Variants in ANKRD22 observed in about 807,000 individuals in gnomAD.
The protein encoded by ANKRD22 is ankyrin repeat domain 22.
Under a neutral mutation model 25.7 loss-of-function variants are expected in ANKRD22, and 24 were observed. The observed-to-expected ratio is 0.93, with a 90% CI of 0.68 to 1.31. The LOEUF (loss-of-function observed/expected upper bound fraction) is 1.31, where lower values mean the gene tolerates loss of function less well. Among genes scored for constraint, ANKRD22 ranks in the 50% most tolerant of loss-of-function variants. The probability of loss-of-function intolerance (pLI) is 0.00; values close to 1 mark genes in which losing one functional copy is unlikely to be tolerated. For synonymous variants in ANKRD22, 84 were observed against 84.3 expected (o/e 1.00, Z 0.02); for missense variants, 214 against 227.1 (o/e 0.94, Z 0.37).
chr10:88,851,521 T>C, intron 1 of ANKRD22, 66 bp downstream of exon 1: 1 of 1,564,762 alleles, frequency 6.4e-7, no homozygotes, highest in African/African-American at 1.4e-5. Context: ...GGATAGAAAA[T>C]TGCATCTGAA....
In ANKRD22 at chr10:88,821,156, C is replaced by G. The variant is rs1043777532; in HGVS notation, c.*1785G>C. On this transcript the variant is annotated 3_prime_UTR_variant, in exon 6 of 6. Transcript: ENST00000371930. The stretch of plus-strand genomic sequence containing the variant: ...TGCATTTCAGTGTCTAGATTCTAGT[C>G]CAAGCTTGTTGGAAGGTTTACAGCT... Among the ~76,000 whole-genome samples the G allele has an allele frequency of 1.3e-5, 2 of 152,142 alleles. No individual in the cohort carries two copies. Among genetic ancestry groups the G allele is most frequent in the Non-Finnish European group, 2.9e-5 (2 of 68,024 alleles).
At chr10:88,830,972 C>A (rs1478769884) in intron 2 of ANKRD22, among the ~76,000 whole-genome samples, 1 of 152,114 alleles carries the variant, frequency 6.6e-6, no homozygotes, top group Non-Finnish European at 1.5e-5. Flanking sequence ...AAATAGTAAG[C>A]ATAAATAAAA....
Position 88,820,418 on chromosome 10 carries a change from C to T in ANKRD22, c.*2523G>A, listed in dbSNP as rs1232237435. ...TTTCATCTGGGGTTTGGATGCTCCT[C>T]ACCGTATGTACAATGAAATCATCCA... On this transcript the variant is annotated 3_prime_UTR_variant, in exon 6 of 6. Transcript: ENST00000371930. 1 of 1,552,120 alleles carries T rather than the reference C, an allele frequency of 6.4e-7. No homozygotes were observed. Among genetic ancestry groups the T allele is most frequent in the Non-Finnish European group, 8.7e-7 (1 of 1,147,040 alleles).
At chr10:88,823,419 C>A (rs1386860226) in intron 4 of ANKRD22, 41 bp from the exon 5 acceptor site, 1 of 1,455,816 alleles carries the variant, frequency 6.9e-7, no homozygotes, top group South Asian at 1.1e-5. Flanking sequence ...ATAAGTCGGG[C>A]CCTCCACAGA....
intron 1 of ANKRD22, among the ~76,000 whole-genome samples, chr10:88,846,206 C>G (rs562154799): frequency 6.6e-6 from 1 of 151,892 alleles, no homozygotes; most frequent in Non-Finnish European, 1.5e-5. Flanking sequence ...ATAATACTTA[C>G]TGAACATAGT....
chr10:88,828,131 C>A (rs1352147597), intron 3 of ANKRD22, among the ~76,000 whole-genome samples: 2 of 152,106 alleles, frequency 1.3e-5, no homozygotes, highest in Non-Finnish European at 2.9e-5. Context: ...CTTCTGGATG[C>A]AAACTTTTAG....
At chr10:88,831,066 G>C (rs553874767) in intron 2 of ANKRD22, among the ~76,000 whole-genome samples, 2 of 152,176 alleles carry the variant, frequency 1.3e-5, no homozygotes, top group South Asian at 4.1e-4. Flanking sequence ...GGGCAAGGGG[G>C]GATTTCCAGT....
intron 1 of ANKRD22, among the ~76,000 whole-genome samples, chr10:88,849,847 T>G (rs1156793018): frequency 6.6e-6 from 1 of 152,136 alleles, no homozygotes. Context: ...TATCCTCTAG[T>G]GCAGATTTCA....
intron 1 of ANKRD22, among the ~76,000 whole-genome samples, chr10:88,835,319 C>T (rs1843943625): frequency 6.6e-6 from 1 of 152,144 alleles, no homozygotes; most frequent in Admixed American, 6.5e-5. Flanking sequence ...CACAGAGTTA[C>T]CAGGAAGCTA....
rs370940208 is a variant in ANKRD22 at position 88,820,267 on chromosome 10, G to A, written c.*2674C>T. The A allele has an allele frequency of 3.6e-4, 562 of 1,551,544 alleles. No individual in the cohort carries two copies. The highest frequency in any genetic ancestry group is 4.7e-4 in the Admixed American group (24 of 50,984). On this transcript the variant is annotated 3_prime_UTR_variant, in exon 6 of 6. Coordinates refer to ENST00000371930, the MANE Select transcript of ANKRD22 (RefSeq NM_144590.3). Reference sequence around the variant, plus strand: ...TAAGGTACAGAGTCAGAGATATGACGGTCCCTACAGCAATGTGGACAGGAG... The same window carrying A: ...TAAGGTACAGAGTCAGAGATATGACAGTCCCTACAGCAATGTGGACAGGAG...
In ANKRD22 at chr10:88,822,081, A is replaced by G. The variant is rs368876811; in HGVS notation, c.*860T>C. On this transcript the variant is annotated 3_prime_UTR_variant, in exon 6 of 6. Coordinates refer to ENST00000371930, the MANE Select transcript of ANKRD22 (RefSeq NM_144590.3). ...ATCATGAAGATTTTTTTAAACGAAC[A>G]TTTTCATAGTTGCATAGTCTTGCTC... The G allele has an allele frequency of 6.6e-5, 10 of 152,312 alleles. No homozygotes were observed. In the South Asian group the frequency reaches 2.1e-3, roughly 32 times the overall value. 9.4% of individuals were successfully genotyped at this position (152,312 alleles called of 1,614,324 possible).
intron 1 of ANKRD22, among the ~76,000 whole-genome samples, chr10:88,846,956 A>G (rs1031100680): frequency 2.6e-5 from 4 of 152,208 alleles, no homozygotes; most frequent in African/African-American, 9.6e-5. Flanking sequence ...CAAATATTTG[A>G]AAATTTAATG....
In ANKRD22 at chr10:88,851,460, C is replaced by T. The variant is rs1468192801; in HGVS notation, c.21+127G>A. On this transcript the variant is annotated intron_variant, in intron 1 of 5. Transcript: ENST00000371930. Reference sequence around the variant, plus strand: ...ACACATAGGACTTTATTTTTTCTGACTTAATGCTCCCCCAGGGAGTTGAAC... The same window carrying T: ...ACACATAGGACTTTATTTTTTCTGATTTAATGCTCCCCCAGGGAGTTGAAC... 7 of 973,620 alleles carry T rather than the reference C, an allele frequency of 7.2e-6. No homozygotes were observed. In the Admixed American group the frequency reaches 1.4e-4, roughly 19 times the overall value. 60.3% of individuals were successfully genotyped at this position (973,620 alleles called of 1,614,324 possible).
intron 1 of ANKRD22, among the ~76,000 whole-genome samples, chr10:88,848,174 GTATATATA>G (rs570718689): frequency 7.3e-6 from 1 of 137,336 alleles, no homozygotes; most frequent in African/African-American, 2.6e-5. Context: ...GTATATATGT[GTATATATA>G]TATGTATATA....
chr10:88,831,964 G>C lies in ANKRD22; in HGVS notation c.84C>G (p.Asp28Glu). The change falls in exon 2 of 6, where the codon GAC becomes GAG. Residue 28 changes from aspartate (D) to glutamate (E), a missense_variant. Physicochemically the swap from Asp to Glu is conservative, Grantham distance 45. Transcript: ENST00000371930. Reference protein sequence around the residue: ...FGQVWRWVKEDSSYANVQDGF... With the variant: ...FGQVWRWVKEESSYANVQDGF... The stretch of plus-strand genomic sequence containing the variant: ...CATCTTGAACGTTGGCATAGCTGCT[G>C]TCTTCTTTCACCCACCGCCACACTT... 6.2e-7 allele frequency: 1 copy of C among 1,613,858 alleles called. No homozygotes were observed. The highest frequency in any genetic ancestry group is 8.5e-7 in the Non-Finnish European group (1 of 1,179,904).
At position 88,820,574 on chromosome 10, in the gene ANKRD22, G is replaced by A. The variant is rs1278038949; in HGVS notation, c.*2367C>T. ...TAGGACCCATGAAGGCAGAATTACG[G>A]AGAGCAGAGACCTAGTATACATTTT... On this transcript the variant is annotated 3_prime_UTR_variant, in exon 6 of 6. Transcript: ENST00000371930. The A allele has an allele frequency of 2.2e-6, 3 of 1,380,942 alleles. No homozygotes were observed. The highest frequency in any genetic ancestry group is 2.9e-6 in the Non-Finnish European group (3 of 1,030,494). The allele number at this position is 1,380,942 out of a possible 1,614,324, so 85.5% of individuals were successfully genotyped here. A position where few individuals can be genotyped will look rare whatever the true frequency, so the allele number is the denominator to read the frequency against.
At chr10:88,849,847 T>C (rs1156793018) in intron 1 of ANKRD22, among the ~76,000 whole-genome samples, 1 of 152,136 alleles carries the variant, frequency 6.6e-6, no homozygotes. Context: ...TATCCTCTAG[T>C]GCAGATTTCA....
At chr10:88,838,147 T>C (rs940616165) in intron 1 of ANKRD22, among the ~76,000 whole-genome samples, 2 of 152,150 alleles carry the variant, frequency 1.3e-5, no homozygotes, top group African/African-American at 4.8e-5. Flanking sequence ...ACTGTCTACA[T>C]GAAATGAATA....
At chr10:88,835,349 G>A (rs965537047) in intron 1 of ANKRD22, among the ~76,000 whole-genome samples, 8 of 152,124 alleles carry the variant, frequency 5.3e-5, no homozygotes, top group Admixed American at 1.3e-4. Flanking sequence ...CTTCTCGGCT[G>A]AGATGCACAA....
Sources: allele counts gnomAD v4.1 joint callset (sites outside exome capture counted in the v4.1 genomes callset), GRCh38; gene constraint gnomAD v4.1.1; transcripts MANE v1.5; gene names NCBI Gene and HGNC (gene_info 2026-07-23, HGNC 2026-07-21).